The following SLC22A9 variants were observed in gnomAD, a reference collection of about 807,000 sequenced individuals.
SLC22A9 encodes solute carrier family 22 member 9.
Under a neutral mutation model 50.1 loss-of-function variants are expected in SLC22A9, and 64 were observed. That is an observed-to-expected ratio of 1.28 (90% CI 1.04 to 1.57). The LOEUF (loss-of-function observed/expected upper bound fraction) is 1.57. SLC22A9 is among the 40% of genes most tolerant of loss of function. SLC22A9 has a pLI of 0.00. For synonymous variants in SLC22A9, 261 were observed against 242.5 expected (o/e 1.08, Z -0.71); for missense variants, 757 against 676.1 (o/e 1.12, Z -1.33).
chr11:63,407,466 G>A (rs1228246088), intron 7 of SLC22A9, among the ~76,000 whole-genome samples: 1 of 152,130 alleles, frequency 6.6e-6, no homozygotes, highest in African/African-American at 2.4e-5. Flanking sequence ...GTGCTACAAA[G>A]CAACAGCACC....
At position 63,380,716 on chromosome 11, in the gene SLC22A9, G is replaced by A. The variant is rs79379791; in HGVS notation, c.955-1443G>A. Among the ~76,000 whole-genome samples, 862 of 152,176 alleles carry A rather than the reference G, an allele frequency of 5.7e-3. 7 individuals carry two copies. The highest frequency in any genetic ancestry group is 0.02 in the African/African-American group (826 of 41,516). ...TACTTGGGGGTGGAAGATGTAAGGA[G>A]GTAAGAAGGTGAGGATCAAAAAAAC... On this transcript the variant is annotated intron_variant, in intron 5 of 9. Coordinates refer to ENST00000279178, the MANE Select transcript of SLC22A9 (RefSeq NM_080866.3).
At chr11:63,407,694 G>C (rs1261626265) in intron 7 of SLC22A9, among the ~76,000 whole-genome samples, 3 of 152,058 alleles carry the variant, frequency 2.0e-5, no homozygotes, top group Non-Finnish European at 2.9e-5. Context: ...TGTCAATACT[G>C]TGTATGTACC....
rs950092270 is a variant in SLC22A9, at chr11:63,369,849, A to G, written c.-208A>G. 9.9e-6 allele frequency: 5 copies of G among 507,224 alleles called. No homozygotes were observed. The highest frequency in any genetic ancestry group is 3.7e-5 in the Admixed American group (1 of 27,396). The allele number at this position is 507,224 out of a possible 1,614,324, so 31.4% of individuals were successfully genotyped here. On this transcript the variant is annotated 5_prime_UTR_variant, in exon 1 of 10. Transcript: ENST00000279178. The stretch of plus-strand genomic sequence containing the variant: ...AATTATTTCTTACGTGACTTTAGAG[A>G]AAACGGCTACCTATCTGACCCCAAA...
At position 63,369,964 on chromosome 11, in the gene SLC22A9, A is replaced by T; in HGVS notation, c.-93A>T. Reference sequence around the variant, plus strand: ...GTGGGGTCAGGATCAAAACACATTTAGTGTGACTTAGGGAAAGAAAACATT... The same window carrying T: ...GTGGGGTCAGGATCAAAACACATTTTGTGTGACTTAGGGAAAGAAAACATT... On this transcript the variant is annotated 5_prime_UTR_variant, in exon 1 of 10. Coordinates refer to ENST00000279178, the MANE Select transcript of SLC22A9 (RefSeq NM_080866.3). The T allele has an allele frequency of 1.6e-6, 2 of 1,265,134 alleles. No individual in the cohort carries two copies. Among genetic ancestry groups the T allele is most frequent in the Non-Finnish European group, 2.2e-6 (2 of 912,736 alleles). 78.4% of individuals were successfully genotyped at this position (1,265,134 alleles called of 1,614,324 possible).
At chr11:63,400,327 T>G (rs914145345) in intron 6 of SLC22A9, among the ~76,000 whole-genome samples, 2 of 151,962 alleles carry the variant, frequency 1.3e-5, no homozygotes, top group African/African-American at 4.8e-5. Flanking sequence ...AAAGAGATAT[T>G]ACAACTGACA....
intron 6 of SLC22A9, among the ~76,000 whole-genome samples, chr11:63,390,251 A>G (rs1418516530): frequency 1.3e-5 from 2 of 152,170 alleles, no homozygotes; most frequent in African/African-American, 4.8e-5. Flanking sequence ...GTCCTTGCCC[A>G]TGCCTATGTC....
At chr11:63,383,532 G>T (rs185938848) in intron 6 of SLC22A9, among the ~76,000 whole-genome samples, 86 of 152,198 alleles carry the variant, frequency 5.7e-4, no homozygotes, top group Non-Finnish European at 7.1e-4. Flanking sequence ...ATTGGTGAAG[G>T]TCTTTCCCTA....
chr11:63,389,805 A>G (rs1233744806), intron 6 of SLC22A9, among the ~76,000 whole-genome samples: 3 of 152,202 alleles, frequency 2.0e-5, no homozygotes, highest in Admixed American at 2.0e-4. Flanking sequence ...CTAACAGTAT[A>G]AAAGTTTTCC....
intron 2 of SLC22A9, among the ~76,000 whole-genome samples, chr11:63,372,764 G>A (rs1043658100): frequency 1.3e-5 from 2 of 151,786 alleles, no homozygotes; most frequent in African/African-American, 4.8e-5. Flanking sequence ...TAATTCATAT[G>A]TAAAGATAAT....
intron 6 of SLC22A9, among the ~76,000 whole-genome samples, chr11:63,384,500 C>T (rs901172984): frequency 3.3e-5 from 5 of 152,108 alleles, no homozygotes; most frequent in African/African-American, 4.8e-5. Flanking sequence ...CATAGTAGTT[C>T]GTGGTGTACA....
chr11:63,382,114 C>G (rs1012725880), intron 5 of SLC22A9, 45 bp from the exon 6 acceptor site: 2 of 1,506,898 alleles, frequency 1.3e-6, no homozygotes, highest in Non-Finnish European at 9.1e-7. Flanking sequence ...AGTGCCTACT[C>G]TTTTCTGACA....
intron 1 of SLC22A9, 98 bp downstream of exon 1, chr11:63,370,556 C>T (rs1382379703): frequency 3.0e-6 from 4 of 1,353,538 alleles, no homozygotes; most frequent in Admixed American, 2.6e-5. Context: ...CATGTAGGTC[C>T]TTAGTCTTCA....
intron 6 of SLC22A9, among the ~76,000 whole-genome samples, chr11:63,384,252 C>A (rs2014620619): frequency 6.6e-6 from 1 of 152,022 alleles, no homozygotes; most frequent in South Asian, 2.1e-4. Flanking sequence ...AGGTATTAAG[C>A]CCAGTATGCA....
intron 7 of SLC22A9, among the ~76,000 whole-genome samples, 184 bp downstream of exon 7, chr11:63,406,895 G>A (rs747776502): frequency 2.0e-5 from 3 of 152,158 alleles, no homozygotes; most frequent in Non-Finnish European, 2.9e-5. Flanking sequence ...TCAAAGATGA[G>A]TAAAGGTTGG....
At chr11:63,383,032 A>G (rs1226775483) in intron 6 of SLC22A9, among the ~76,000 whole-genome samples, 1 of 152,188 alleles carries the variant, frequency 6.6e-6, no homozygotes, top group East Asian at 1.9e-4. Flanking sequence ...CTGTGTGAGG[A>G]ACTGGTATTT....
intron 8 of SLC22A9, 149 bp from the exon 9 acceptor site, chr11:63,408,527 G>A (rs1025991465): frequency 5.1e-5 from 38 of 742,276 alleles, no homozygotes; most frequent in Non-Finnish European, 8.1e-5. Flanking sequence ...TTAATTGCTA[G>A]CAAATAAAAG....
Position 63,388,751 on chromosome 11 carries a change from C to T in SLC22A9, c.1073+6474C>T, listed in dbSNP as rs562305209. On this transcript the variant is annotated intron_variant, in intron 6 of 9. Transcript: ENST00000279178. ...TTTTTGAATAATATGATAAAAATGG[C>T]ATTAGTTCTTCCTTAAATTTTGATA... is the stretch of plus-strand genomic sequence containing the variant. 6.6e-5 allele frequency among the ~76,000 whole-genome samples: 10 copies of T among 151,810 alleles called. No individual in the cohort carries two copies. In the East Asian group the frequency reaches 1.9e-3, roughly 29 times the overall value.
rs1314066919 is a variant in SLC22A9 at position 63,373,955 on chromosome 11, T to C, written c.723T>C (p.Ser241=). 2 of 1,613,714 alleles carry C rather than the reference T, an allele frequency of 1.2e-6. No individual in the cohort carries two copies. The highest frequency in any genetic ancestry group is 8.5e-7 in the Non-Finnish European group (1 of 1,179,782). The change falls in exon 4 of 10, where the codon TCT becomes TCC. Residue 241 remains serine (S), a synonymous_variant. Transcript: ENST00000279178. ...GAATTACATTGGGAATGTGCCCTTCTGGTATTGCATTTATGACCCTGGCAG... is the reference window on the plus strand; with the variant it reads ...GAATTACATTGGGAATGTGCCCTTCCGGTATTGCATTTATGACCCTGGCAG... ...AMGITLGMCP[S]GIAFMTLAGL...
chr11:63,386,302 A>T (rs114731948), intron 6 of SLC22A9, among the ~76,000 whole-genome samples: 2,103 of 152,150 alleles, frequency 0.014, 58 homozygotes, highest in African/African-American at 0.047. Context: ...GGTTAGCATG[A>T]TGCTGGCCTC....
Sources: allele counts gnomAD v4.1 joint callset (sites outside exome capture counted in the v4.1 genomes callset), GRCh38; gene constraint gnomAD v4.1.1; transcripts MANE v1.5; gene names NCBI Gene and HGNC (gene_info 2026-07-23, HGNC 2026-07-21).